ANKRD31: variants seen among roughly 807,000 people sequenced by gnomAD.
ANKRD31 encodes the protein ankyrin repeat domain-containing protein 31.
Under a neutral mutation model 186.0 loss-of-function variants are expected in ANKRD31, and 147 were observed. That is an observed-to-expected ratio of 0.79 (90% CI 0.69 to 0.91). The LOEUF (loss-of-function observed/expected upper bound fraction) is 0.91, where lower values mean the gene tolerates loss of function less well. Ranked by LOEUF, ANKRD31 falls within the 40% of genes least tolerant of loss-of-function variation. ANKRD31 has a pLI of 0.00. For missense variants in ANKRD31, 1,986 were observed against 2,148.8 expected, an observed-to-expected ratio of 0.92 and a Z score of 1.50; for synonymous variants, 673 against 736.4, an observed-to-expected ratio of 0.91 and a Z score of 1.39.
intron 11 of ANKRD31, 134 bp downstream of exon 11, chr5:75,168,845 T>C: frequency 1.1e-6 from 1 of 887,154 alleles, no homozygotes; most frequent in Admixed American, 3.2e-5. Flanking sequence ...AAAATTTCAT[T>C]ATAAATTCTA....
intron 20 of ANKRD31, among the ~76,000 whole-genome samples, 168 bp downstream of exon 20, chr5:75,112,345 G>A (rs965888989): frequency 6.6e-6 from 1 of 152,130 alleles, no homozygotes; most frequent in Non-Finnish European, 1.5e-5. Context: ...TACTTTTAAA[G>A]TAAGTCTACT....
chr5:75,170,905 G>C (rs1753267126), intron 10 of ANKRD31, among the ~76,000 whole-genome samples: 1 of 152,022 alleles, frequency 6.6e-6, no homozygotes. Context: ...TCATGGTGAT[G>C]AAAGAGCTAA....
intron 19 of ANKRD31, among the ~76,000 whole-genome samples, chr5:75,114,232 C>A (rs1281842551): frequency 6.6e-6 from 1 of 152,074 alleles, no homozygotes; most frequent in African/African-American, 2.4e-5. Flanking sequence ...GCTGCTTAAT[C>A]CTCTTCTCTG....
intron 17 of ANKRD31, among the ~76,000 whole-genome samples, chr5:75,124,889 G>A (rs547210274): frequency 6.6e-6 from 1 of 152,110 alleles, no homozygotes; most frequent in African/African-American, 2.4e-5. Context: ...TTGAGTGATG[G>A]TTACATTAAA....
chr5:75,203,891 G>A (rs1326147632), intron 5 of ANKRD31, among the ~76,000 whole-genome samples: 1 of 151,878 alleles, frequency 6.6e-6, no homozygotes, highest in African/African-American at 2.4e-5. Context: ...GTGCTAAATA[G>A]GTTTTTACTA....
intron 3 of ANKRD31, among the ~76,000 whole-genome samples, chr5:75,218,798 A>G (rs945692350): frequency 6.6e-6 from 1 of 152,240 alleles, no homozygotes; most frequent in Non-Finnish European, 1.5e-5. Flanking sequence ...ACGTATTCAA[A>G]TCAATAAATG....
chr5:75,185,850 T>C (rs1378851310), intron 10 of ANKRD31, among the ~76,000 whole-genome samples: 2 of 151,760 alleles, frequency 1.3e-5, no homozygotes, highest in Admixed American at 6.6e-5. Flanking sequence ...AGTTATTTGT[T>C]ATATAATAAT....
At chr5:75,098,305 C>T (rs544555899) in intron 22 of ANKRD31, among the ~76,000 whole-genome samples, 1 of 152,216 alleles carries the variant, frequency 6.6e-6, no homozygotes, top group East Asian at 1.9e-4. Context: ...TGTTTTGGTA[C>T]CAGTACCATG....
chr5:75,104,417 T>G lies in ANKRD31; in HGVS notation c.5142A>C (p.Lys1714Asn), dbSNP rs1371361466. The G allele has an allele frequency of 1.6e-5, 24 of 1,537,104 alleles. No individual in the cohort carries two copies. The East Asian group carries it at 5.4e-4, about 34-fold the overall frequency. The change falls in exon 22 of 26, where the codon AAA (lysine) becomes AAC (asparagine). Residue 1714 changes from lysine to asparagine, a missense_variant. By Grantham distance (94) the Lys-to-Asn change is moderately conservative (BLOSUM62 0). Transcript: ENST00000506364. ...CTGCACATGGAACAACAGAAACTGA[T>G]TTTTTAAGATATGGTTTCATCTGAT... Reference protein sequence around the residue: ...TVHQMKPYLKKSVSVVPCADD... With the variant: ...TVHQMKPYLKNSVSVVPCADD...
rs566853614 is a variant in ANKRD31, at chr5:75,188,255, A to G, written c.1564+238T>C. Among the ~76,000 whole-genome samples, 3 of 152,132 alleles carry G rather than the reference A, an allele frequency of 2.0e-5. No individual in the cohort carries two copies. The East Asian group carries it at 5.8e-4, about 29-fold the overall frequency. On this transcript the variant is annotated intron_variant, in intron 10 of 25. Coordinates refer to ENST00000506364, the MANE Select transcript of ANKRD31 (RefSeq NM_001372053.1). The stretch of plus-strand genomic sequence containing the variant: ...TACCTTCTGGATGCCACTGCACATA[A>G]CCCACCTGGCATAATCTTTGAAGGA...
At chr5:75,140,286 A>AAGGAAGGAAGG (rs1750939023) in intron 15 of ANKRD31, among the ~76,000 whole-genome samples, 14 of 140,836 alleles carry the variant, frequency 9.9e-5, no homozygotes, top group South Asian at 2.4e-4. Context: ...AGAGAGAAAG[A>AAGGAAGGAAGG]AAGGAAGGAA....
Position 75,195,738 on chromosome 5 carries a change from T to G in ANKRD31, c.910A>C (p.Ile304Leu). Residue 304 changes from isoleucine (I) to leucine (L), a missense_variant, in exon 7 of 26, where the codon ATC (isoleucine) becomes CTC (leucine). Physicochemically the swap from Ile to Leu is conservative, Grantham distance 5 (BLOSUM62 2). Coordinates refer to ENST00000506364, the MANE Select transcript of ANKRD31 (RefSeq NM_001372053.1). ...NTLSEAKVETICHRKEGGSSL... is the reference protein window; with the variant it reads ...NTLSEAKVETLCHRKEGGSSL... ...CTACCTCCCTCTTTTCTGTGACAGA[T>G]GGTTTCCACCTTGGCTTCTGACAAT... 1 of 1,537,614 alleles carries G rather than the reference T, an allele frequency of 6.5e-7. No individual in the cohort carries two copies. Among genetic ancestry groups the G allele is most frequent in the Non-Finnish European group, 8.7e-7 (1 of 1,146,918 alleles).
chr5:75,123,468 A>T (rs918846366), intron 17 of ANKRD31, among the ~76,000 whole-genome samples: 1 of 152,160 alleles, frequency 6.6e-6, no homozygotes, highest in African/African-American at 2.4e-5. Context: ...ACCAAAAAAC[A>T]GTCTGAATAG....
intron 9 of ANKRD31, among the ~76,000 whole-genome samples, chr5:75,189,996 T>G (rs377530766): frequency 6.8e-6 from 1 of 148,042 alleles, no homozygotes; most frequent in African/African-American, 2.5e-5. Context: ...GCTCAAGTTT[T>G]GTTTAGAATT....
chr5:75,230,963 C>A (rs1412931723), intron 1 of ANKRD31, among the ~76,000 whole-genome samples: 1 of 152,214 alleles, frequency 6.6e-6, no homozygotes, highest in East Asian at 1.9e-4. Flanking sequence ...TTTGAGGGAC[C>A]AGTGCTGGTG....
rs34350267 is a variant in ANKRD31 at position 75,210,873 on chromosome 5, GAAA to G, written c.289-11_289-9del. The G allele has an allele frequency of 1.4e-6, 2 of 1,414,412 alleles. No individual in the cohort carries two copies. Among genetic ancestry groups the G allele is most frequent in the East Asian group, 5.4e-5 (2 of 36,780 alleles). 87.6% of individuals were successfully genotyped at this position (1,414,412 alleles called of 1,614,324 possible). A position where few individuals can be genotyped will look rare whatever the true frequency, so the allele number is the denominator to read the frequency against. On this transcript the variant is annotated splice_polypyrimidine_tract_variant and intron_variant, in intron 3 of 25. Transcript: ENST00000506364. ...TTCTGTTTCATCTTGAGACTGCTAGGAAAAAAAAAAGTTTTTTCCAACTGATAA... is the reference window on the plus strand; with the variant it reads ...TTCTGTTTCATCTTGAGACTGCTAGGAAAAAAAGTTTTTTCCAACTGATAA...
chr5:75,074,556 A>C (rs1744479047), intron 25 of ANKRD31, among the ~76,000 whole-genome samples: 1 of 152,208 alleles, frequency 6.6e-6, no homozygotes, highest in Admixed American at 6.5e-5. Context: ...CACATAGAGA[A>C]ATCTGAGCCG....
chr5:75,110,783 G>A (rs928139471), intron 20 of ANKRD31, among the ~76,000 whole-genome samples: 1 of 148,338 alleles, frequency 6.7e-6, no homozygotes, highest in East Asian at 2.0e-4. Context: ...AACTCGTAAG[G>A]TTATTTAAAA....
intron 25 of ANKRD31, among the ~76,000 whole-genome samples, chr5:75,069,545 G>GT (rs1744049984): frequency 6.6e-6 from 1 of 151,602 alleles, no homozygotes; most frequent in Admixed American, 6.6e-5. Context: ...TTTTGTTTTT[G>GT]TTTTTTGGTT....
Sources: gnomAD v4.1 joint callset for allele counts (sites outside exome capture counted in the v4.1 genomes callset) on GRCh38, gnomAD v4.1.1 for gene constraint, MANE v1.5 for transcripts, NCBI Gene and HGNC (gene_info 2026-07-23, HGNC 2026-07-21) for gene names.